The following TMTC1 variants were observed in gnomAD, a reference collection of about 807,000 sequenced individuals.
The protein encoded by TMTC1 is transmembrane O-mannosyltransferase targeting cadherins 1.
A neutral mutation model predicts 104.8 loss-of-function variants in TMTC1; 73 were observed. The observed-to-expected ratio is 0.70, with a 90% CI of 0.58 to 0.85. TMTC1 has a LOEUF of 0.85. TMTC1 is among the 40% of genes least tolerant of loss of function. The pLI, the probability that TMTC1 is intolerant of heterozygous loss-of-function variation, is 0.00. For missense variants in TMTC1, 1,035 were observed against 1,096.1 expected (o/e 0.94, Z 0.79); for synonymous variants, 434 against 428.7 (o/e 1.01, Z -0.15).
At chr12:29,701,271 G>A (rs1344699540) in intron 5 of TMTC1, among the ~76,000 whole-genome samples, 2 of 152,196 alleles carry the variant, frequency 1.3e-5, no homozygotes, top group Non-Finnish European at 2.9e-5. Flanking sequence ...GCGGGAGTAA[G>A]ATTGACTTTT....
At chr12:29,570,884 C>A (rs1945653347) in intron 9 of TMTC1, among the ~76,000 whole-genome samples, 1 of 141,030 alleles carries the variant, frequency 7.1e-6, no homozygotes, top group African/African-American at 2.8e-5. Context: ...CAGAAACACC[C>A]CCCCCCCCCG....
rs577694871 is a variant in TMTC1 at position 29,516,260 on chromosome 12, C to G, written c.2307+89G>C. ...CGGATAAGATTTAAGATTTCCCAGGCTTATAAACACGCAAACTGGAGAATC... is the reference window on the plus strand; with the variant it reads ...CGGATAAGATTTAAGATTTCCCAGGGTTATAAACACGCAAACTGGAGAATC... On this transcript the variant is annotated intron_variant, in intron 15 of 17. Coordinates refer to ENST00000539277, the MANE Select transcript of TMTC1 (RefSeq NM_001193451.2). 3.8e-5 allele frequency: 56 copies of G among 1,478,590 alleles called. No individual in the cohort carries two copies. The East Asian group carries it at 1.3e-3, about 33-fold the overall frequency. 91.6% of individuals were successfully genotyped at this position (1,478,590 alleles called of 1,614,324 possible). A position where few individuals can be genotyped will look rare whatever the true frequency, so the allele number is the denominator to read the frequency against.
At chr12:29,654,054 T>C (rs1048542214) in intron 5 of TMTC1, among the ~76,000 whole-genome samples, 1 of 152,184 alleles carries the variant, frequency 6.6e-6, no homozygotes, top group Non-Finnish European at 1.5e-5. Context: ...TTCTTAGATA[T>C]AGAAGATATG....
At chr12:29,554,886 C>T (rs546816815) in intron 10 of TMTC1, among the ~76,000 whole-genome samples, 4 of 152,204 alleles carry the variant, frequency 2.6e-5, no homozygotes, top group African/African-American at 4.8e-5. Context: ...AAGAAGCACA[C>T]CGAATGTGTT....
chr12:29,597,230 TTTCTTTTC>T (rs1946430685), intron 7 of TMTC1, among the ~76,000 whole-genome samples: 3 of 141,564 alleles, frequency 2.1e-5, no homozygotes, highest in Non-Finnish European at 4.4e-5. Context: ...TTTTTCTTTC[TTTCTTTTC>T]TTTCTTTTTT....
chr12:29,620,212 T>C (rs1003342182), intron 6 of TMTC1, among the ~76,000 whole-genome samples: 21 of 152,172 alleles, frequency 1.4e-4, no homozygotes, highest in Non-Finnish European at 2.4e-4. Flanking sequence ...TTCATGTGGC[T>C]TGCCCTGGTC....
At chr12:29,746,694 A>G (rs1942963239) in intron 5 of TMTC1, among the ~76,000 whole-genome samples, 1 of 152,158 alleles carries the variant, frequency 6.6e-6, no homozygotes, top group Non-Finnish European at 1.5e-5. Flanking sequence ...TTACCTTATA[A>G]TTCACTTTAG....
chr12:29,607,240 C>T (rs73073422), intron 6 of TMTC1, among the ~76,000 whole-genome samples: 33 of 152,314 alleles, frequency 2.2e-4, no homozygotes, highest in African/African-American at 5.5e-4. Flanking sequence ...TATTGTCTGT[C>T]TGCCTCACTA....
rs532361512 is a variant in TMTC1, at chr12:29,520,630, A to G, written c.1876T>C (p.Leu626=). 2.4e-4 allele frequency: 388 copies of G among 1,612,220 alleles called. 3 individuals are homozygous for G. In the South Asian group the frequency reaches 4.1e-3, roughly 17 times the overall value. The part of the protein sequence containing the change: ...SDLHNNYGVF[L]VDTGLPEKAV... ...TAATTTCACTTACCAGTATCAACTA[A>G]GAAAACCCCATAGTTGTTGTGTAAA... is the stretch of plus-strand genomic sequence containing the variant. Residue 626 remains leucine, a synonymous_variant, in exon 12 of 18, where the codon TTA becomes CTA. Transcript: ENST00000539277.
chr12:29,770,665 C>T (rs1204353816), intron 1 of TMTC1, among the ~76,000 whole-genome samples: 1 of 152,140 alleles, frequency 6.6e-6, no homozygotes, highest in Admixed American at 6.5e-5. Context: ...AAGTCCCTTA[C>T]CTGGAACCTA....
chr12:29,658,137 A>C (rs537147437), intron 5 of TMTC1, among the ~76,000 whole-genome samples: 2 of 152,000 alleles, frequency 1.3e-5, no homozygotes, highest in African/African-American at 4.8e-5. Flanking sequence ...GAAATCTAAC[A>C]ATCTGTTGTC....
At chr12:29,740,704 G>C (rs1255392747) in intron 5 of TMTC1, among the ~76,000 whole-genome samples, 1 of 152,050 alleles carries the variant, frequency 6.6e-6, no homozygotes, top group Non-Finnish European at 1.5e-5. Context: ...TGAACTCCTA[G>C]GCTCAAGTGA....
intron 5 of TMTC1, among the ~76,000 whole-genome samples, chr12:29,656,587 C>T (rs1178202896): frequency 6.6e-6 from 1 of 151,710 alleles, no homozygotes; most frequent in African/African-American, 2.4e-5. Flanking sequence ...ATATTTGAAA[C>T]ACAAGAACAG....
chr12:29,558,954 C>G (rs1383758725), intron 9 of TMTC1, among the ~76,000 whole-genome samples: 2 of 152,220 alleles, frequency 1.3e-5, no homozygotes, highest in East Asian at 3.8e-4. Context: ...CAGAGCACAT[C>G]ACAGCCAGGA....
chr12:29,565,063 T>C (rs2136282182), intron 9 of TMTC1, among the ~76,000 whole-genome samples: 2 of 152,230 alleles, frequency 1.3e-5, no homozygotes, highest in East Asian at 3.9e-4. Flanking sequence ...TAGGGAGACA[T>C]TTATCCTAAG....
In TMTC1 at chr12:29,512,282, T is replaced by C. The variant is rs563418976; in HGVS notation, c.2431-162A>G. ...TGCTTATTTCTATTATTTTTCAAAG[T>C]TGATGATTCTAAAGTGGAGGAAACT... On this transcript the variant is annotated intron_variant, in intron 16 of 17. Coordinates refer to ENST00000539277, the MANE Select transcript of TMTC1 (RefSeq NM_001193451.2). 5.9e-5 allele frequency among the ~76,000 whole-genome samples: 9 copies of C among 152,330 alleles called. No individual in the cohort carries two copies. The South Asian group carries it at 6.2e-4, about 11-fold the overall frequency.
intron 8 of TMTC1, among the ~76,000 whole-genome samples, chr12:29,582,849 G>A (rs1256002400): frequency 6.6e-6 from 1 of 152,218 alleles, no homozygotes; most frequent in Non-Finnish European, 1.5e-5. Context: ...TGGGTGTCAG[G>A]TGTGGCAGTG....
intron 8 of TMTC1, among the ~76,000 whole-genome samples, chr12:29,575,177 A>T (rs1945788023): frequency 6.6e-6 from 1 of 152,158 alleles, no homozygotes; most frequent in African/African-American, 2.4e-5. Flanking sequence ...CCTCACCTGA[A>T]GGAAGGTGGC....
rs766631920 is a variant in TMTC1 at position 29,751,888 on chromosome 12, T to C, written c.732-16A>G. 3.3e-6 allele frequency: 5 copies of C among 1,525,856 alleles called. No individual in the cohort carries two copies. Among genetic ancestry groups the C allele is most frequent in the South Asian group, 1.2e-5 (1 of 81,622 alleles). The allele number at this position is 1,525,856 out of a possible 1,614,324, so 94.5% of individuals were successfully genotyped here. A position where few individuals can be genotyped will look rare whatever the true frequency, so the allele number is the denominator to read the frequency against. On this transcript the variant is annotated splice_polypyrimidine_tract_variant and intron_variant, in intron 4 of 17. Coordinates refer to ENST00000539277, the MANE Select transcript of TMTC1 (RefSeq NM_001193451.2). ...CCCATTGCTCCTGTTGTGCATGGAA[T>C]TGAGGGAAAACAAAGTCAACCAGAA...
Sources: gnomAD v4.1 joint callset for allele counts (sites outside exome capture counted in the v4.1 genomes callset) on GRCh38, gnomAD v4.1.1 for gene constraint, MANE v1.5 for transcripts, NCBI Gene and HGNC (gene_info 2026-07-23, HGNC 2026-07-21) for gene names.